SENP7: variants seen among roughly 807,000 people sequenced by gnomAD.
SENP7 encodes the protein sentrin-specific protease 7.
A neutral mutation model predicts 141.2 loss-of-function variants in SENP7; 64 were observed. The observed-to-expected ratio is 0.45, with a 90% CI of 0.37 to 0.56. SENP7 has a LOEUF of 0.56. Ranked by LOEUF, SENP7 falls within the 20% of genes least tolerant of loss-of-function variation. The probability of loss-of-function intolerance (pLI) is 0.00; values close to 1 mark genes in which losing one functional copy is unlikely to be tolerated. For missense variants in SENP7, 1,025 were observed against 1,212.2 expected (o/e 0.85, Z 2.29); for synonymous variants, 382 against 426.4 (o/e 0.90, Z 1.28).
intron 3 of SENP7, among the ~76,000 whole-genome samples, chr3:101,473,358 A>C (rs2064085664): frequency 6.6e-6 from 1 of 152,182 alleles, no homozygotes; most frequent in Non-Finnish European, 1.5e-5. Flanking sequence ...CCAACACTTT[A>C]TAACCATTCC....
chr3:101,449,548 G>C (rs1308163307), intron 4 of SENP7, among the ~76,000 whole-genome samples: 11 of 152,338 alleles, frequency 7.2e-5, no homozygotes, highest in African/African-American at 1.9e-4. Flanking sequence ...GGCCAGAAGA[G>C]AGTGGGGGCC....
intron 17 of SENP7, among the ~76,000 whole-genome samples, chr3:101,335,594 T>C (rs1055193581): frequency 2.7e-5 from 4 of 145,576 alleles, no homozygotes; most frequent in African/African-American, 1.0e-4. Flanking sequence ...ATGTATATAA[T>C]AATCAGGTAC....
At position 101,331,140 on chromosome 3, in the gene SENP7, T is replaced by C. The variant is rs149974516; in HGVS notation, c.2699-754A>G. Among the ~76,000 whole-genome samples, 927 of 152,204 alleles carry C rather than the reference T, an allele frequency of 6.1e-3. 7 individuals carry two copies. Among genetic ancestry groups the C allele is most frequent in the African/African-American group, 0.022 (893 of 41,528 alleles). On this transcript the variant is annotated intron_variant, in intron 19 of 23. Transcript: ENST00000394095. ...TATTTTTTAAAATGGTATAATACTA[T>C]TAATTAGCTAGATTTTGTCATTCTA...
In SENP7 at chr3:101,325,991, C is replaced by T. The variant is rs201515137; in HGVS notation, c.3105G>A (p.Glu1035=). The change falls in exon 24 of 24, where the codon GAG becomes GAA. Residue 1035 remains glutamate, a synonymous_variant. Transcript: ENST00000394095. The part of the protein sequence containing the change: ...VIKTKREDIR[E]LILKLHLQQQ... ...GCTGTAAATGAAGTTTCAAGATGAG[C>T]TCTCGAATATCTTCCCGTTTGGTCT... 3 of 1,611,028 alleles carry T rather than the reference C, an allele frequency of 1.9e-6. No individual in the cohort carries two copies. The highest frequency in any genetic ancestry group is 2.5e-6 in the Non-Finnish European group (3 of 1,178,410).
intron 4 of SENP7, among the ~76,000 whole-genome samples, chr3:101,436,511 G>T (rs1576343002): frequency 6.6e-6 from 1 of 152,076 alleles, no homozygotes; most frequent in East Asian, 1.9e-4. Flanking sequence ...GAAAATATTT[G>T]CAAACTACCC....
chr3:101,394,652 T>G (rs1252219398), intron 6 of SENP7, among the ~76,000 whole-genome samples: 2 of 151,944 alleles, frequency 1.3e-5, no homozygotes, highest in Non-Finnish European at 2.9e-5. Flanking sequence ...AGCTGGGACT[T>G]CTTTTTAAAA....
Position 101,369,648 on chromosome 3 carries a change from A to G in SENP7, c.797-1637T>C, listed in dbSNP as rs954202595. On this transcript the variant is annotated intron_variant, in intron 7 of 23. Coordinates refer to ENST00000394095, the MANE Select transcript of SENP7 (RefSeq NM_020654.5). ...TCTACACACAATGTATCAAACTATA[A>G]TTTCTAAACATAAATATTATACTAC... 3.9e-5 allele frequency among the ~76,000 whole-genome samples: 6 copies of G among 152,312 alleles called. No individual in the cohort carries two copies. In the East Asian group the frequency reaches 7.7e-4, roughly 20 times the overall value.
At chr3:101,385,263 A>C (rs902218913) in intron 6 of SENP7, among the ~76,000 whole-genome samples, 7 of 152,130 alleles carry the variant, frequency 4.6e-5, no homozygotes. Context: ...CACATAAGTA[A>C]ATGAAGTGAA....
intron 1 of SENP7, among the ~76,000 whole-genome samples, chr3:101,505,839 CAT>C (rs2065581629): frequency 6.6e-6 from 1 of 152,068 alleles, no homozygotes; most frequent in Admixed American, 6.6e-5. Context: ...ATGACTAACA[CAT>C]AGTTAGTGCA....
At chr3:101,424,835 T>C (rs2061905663) in intron 4 of SENP7, among the ~76,000 whole-genome samples, 1 of 152,174 alleles carries the variant, frequency 6.6e-6, no homozygotes, top group Admixed American at 6.5e-5. Flanking sequence ...GTGATACAGT[T>C]TGGCTGTGTT....
At chr3:101,427,048 T>G (rs1379757496) in intron 4 of SENP7, among the ~76,000 whole-genome samples, 1 of 152,132 alleles carries the variant, frequency 6.6e-6, no homozygotes, top group Non-Finnish European at 1.5e-5. Context: ...AATGAAAAAT[T>G]TAAGGCCAAT....
rs752426596 is a variant in SENP7, at chr3:101,331,971, G to A, written c.2698+14C>T. On this transcript the variant is annotated intron_variant, in intron 19 of 23. Coordinates refer to ENST00000394095, the MANE Select transcript of SENP7 (RefSeq NM_020654.5). ...CATCATTATTAAAAACACCATCTAC[G>A]TTATGGATGTCACCTATTGTTTTGT... The A allele has an allele frequency of 1.2e-5, 20 of 1,611,030 alleles. No homozygotes were observed. Among genetic ancestry groups the A allele is most frequent in the Admixed American group, 6.7e-5 (4 of 59,830 alleles).
At chr3:101,385,736 C>T (rs772817230) in intron 6 of SENP7, among the ~76,000 whole-genome samples, 4 of 152,182 alleles carry the variant, frequency 2.6e-5, no homozygotes, top group African/African-American at 4.8e-5. Context: ...TCTAGAGAAC[C>T]CAACAGCAAA....
At chr3:101,342,478 T>C (rs929025214) in intron 14 of SENP7, among the ~76,000 whole-genome samples, 19 of 152,176 alleles carry the variant, frequency 1.2e-4, no homozygotes, top group African/African-American at 4.3e-4. Flanking sequence ...TTGAAAGAAA[T>C]CAACCTTGCC....
intron 13 of SENP7, 61 bp from the exon 14 acceptor site, chr3:101,344,015 A>G (rs1328700794): frequency 1.8e-6 from 2 of 1,096,846 alleles, no homozygotes; most frequent in Non-Finnish European, 2.5e-6. Flanking sequence ...TTATAATACA[A>G]GTAATTTAAT....
At chr3:101,333,785 G>A (rs568864244) in intron 17 of SENP7, among the ~76,000 whole-genome samples, 1 of 152,166 alleles carries the variant, frequency 6.6e-6, no homozygotes, top group East Asian at 1.9e-4. Flanking sequence ...TCTAATATGG[G>A]CAGAAAAAAC....
intron 11 of SENP7, chr3:101,357,767 T>C (rs984741802): frequency 4.8e-6 from 3 of 630,026 alleles, no homozygotes; most frequent in Non-Finnish European, 8.8e-6. Flanking sequence ...CTTTTAAATG[T>C]AAAGAATGAG....
chr3:101,394,051 A>G (rs938113739), intron 6 of SENP7, among the ~76,000 whole-genome samples: 2 of 26,858 alleles, frequency 7.4e-5, no homozygotes, highest in Admixed American at 5.2e-4. Flanking sequence ...ATTAAAACAT[A>G]TTATTTCTAA....
At chr3:101,464,289 T>A (rs2063686717) in intron 3 of SENP7, among the ~76,000 whole-genome samples, 3 of 152,174 alleles carry the variant, frequency 2.0e-5, no homozygotes, top group Admixed American at 2.0e-4. Flanking sequence ...AAGCACTGAA[T>A]GGCCTAAAGC....
Sources: gnomAD v4.1 joint callset for allele counts (sites outside exome capture counted in the v4.1 genomes callset) on GRCh38, gnomAD v4.1.1 for gene constraint, MANE v1.5 for transcripts, NCBI Gene and HGNC (gene_info 2026-07-23, HGNC 2026-07-21) for gene names.